SIDT1: variants seen among roughly 807,000 people sequenced by gnomAD.
The protein encoded by SIDT1 is SID1 transmembrane family member 1, also known as SID1 transmembrane family, member 1.
A neutral mutation model predicts 107.5 loss-of-function variants in SIDT1; 101 were observed. The ratio of observed to expected loss-of-function variants is 0.94; its 90% CI spans 0.80 to 1.11. The LOEUF is 1.11. Ranked by LOEUF, SIDT1 falls within the 50% of genes least tolerant of loss-of-function variation. The pLI, the probability that SIDT1 is intolerant of heterozygous loss-of-function variation, is 0.00. For synonymous variants in SIDT1, 395 were observed against 398.2 expected (o/e 0.99, Z 0.10); for missense variants, 1,076 against 1,058.2 (o/e 1.02, Z -0.23).
At chr3:113,556,190 A>G (rs1940839279) in intron 1 of SIDT1, among the ~76,000 whole-genome samples, 1 of 152,214 alleles carries the variant, frequency 6.6e-6, no homozygotes, top group Non-Finnish European at 1.5e-5. Flanking sequence ...ATCTTTCTTT[A>G]TTATGCCATA....
chr3:113,583,595 G>A, intron 7 of SIDT1, 99 bp downstream of exon 7: 1 of 823,374 alleles, frequency 1.2e-6, no homozygotes, highest in Non-Finnish European at 1.9e-6. Context: ...CTAAACAAGG[G>A]TTGGTTCCAT....
At chr3:113,549,218 T>C (rs1198832296) in intron 1 of SIDT1, among the ~76,000 whole-genome samples, 1 of 151,850 alleles carries the variant, frequency 6.6e-6, no homozygotes. Context: ...ATAAAATGTG[T>C]GTGCGGGTTT....
At chr3:113,538,098 T>A (rs189172885) in intron 1 of SIDT1, among the ~76,000 whole-genome samples, 1 of 152,318 alleles carries the variant, frequency 6.6e-6, no homozygotes, top group Admixed American at 6.5e-5. Flanking sequence ...CGTCTTCTTA[T>A]AAGGGCAGCA....
intron 10 of SIDT1, among the ~76,000 whole-genome samples, chr3:113,600,784 G>A (rs961594922): frequency 7.9e-5 from 12 of 152,224 alleles, no homozygotes; most frequent in Admixed American, 7.8e-4. Flanking sequence ...GAAAAGCATA[G>A]ATGGTATTGA....
chr3:113,590,075 T>A (rs6797630), intron 9 of SIDT1: 8,532 of 152,442 alleles, frequency 0.056, 423 homozygotes, highest in African/African-American at 0.13. Context: ...AACGATTGCA[T>A]TGGAGAAGCT....
intron 15 of SIDT1, 21 bp from the exon 16 acceptor site, chr3:113,608,073 G>A (rs764618098): frequency 6.4e-7 from 1 of 1,560,746 alleles, no homozygotes; most frequent in Non-Finnish European, 8.7e-7. Context: ...CTCTCTCATG[G>A]TCTCTCACTC....
At chr3:113,603,804 T>TTTACTTAATCAAATTTAGTAAATTTGAA (rs1287423775) in intron 12 of SIDT1, among the ~76,000 whole-genome samples, 156 bp from the exon 13 acceptor site, 5 of 152,236 alleles carry the variant, frequency 3.3e-5, no homozygotes, top group African/African-American at 1.2e-4. Context: ...GTAAATTTGA[T>TTTACTTAATCAAATTTAGTAAATTTGAA]TTACTTAATC....
At chr3:113,592,101 A>G (rs1382746992) in intron 9 of SIDT1, among the ~76,000 whole-genome samples, 1 of 152,218 alleles carries the variant, frequency 6.6e-6, no homozygotes, top group African/African-American at 2.4e-5. Context: ...AAACTTATAG[A>G]GACAGAAAGT....
chr3:113,591,868 T>G (rs1174648324), intron 9 of SIDT1, among the ~76,000 whole-genome samples: 1 of 152,244 alleles, frequency 6.6e-6, no homozygotes, highest in African/African-American at 2.4e-5. Flanking sequence ...TTACTCATGA[T>G]AGCCAAAATG....
chr3:113,609,314 C>T (rs1945572271), intron 17 of SIDT1, among the ~76,000 whole-genome samples: 3 of 152,090 alleles, frequency 2.0e-5, no homozygotes, highest in Admixed American at 2.0e-4. Flanking sequence ...GATCCTCCTG[C>T]CTCTGCCTCC....
intron 21 of SIDT1, among the ~76,000 whole-genome samples, chr3:113,622,641 T>C (rs1946546509): frequency 6.6e-6 from 1 of 152,158 alleles, no homozygotes; most frequent in South Asian, 2.1e-4. Flanking sequence ...AATTTGGTAA[T>C]GTGTGTCAAG....
intron 1 of SIDT1, among the ~76,000 whole-genome samples, chr3:113,545,854 T>G (rs1433207276): frequency 6.6e-6 from 1 of 152,234 alleles, no homozygotes; most frequent in African/African-American, 2.4e-5. Context: ...ACTCAAGTCA[T>G]GGACTGTTGA....
At chr3:113,568,337 T>C (rs1329614343) in intron 3 of SIDT1, among the ~76,000 whole-genome samples, 1 of 152,156 alleles carries the variant, frequency 6.6e-6, no homozygotes, top group Non-Finnish European at 1.5e-5. Context: ...GGCTCACTCC[T>C]GTAATCCTAG....
chr3:113,584,747 G>T lies in SIDT1; in HGVS notation c.885G>T (p.Val295=). The T allele has an allele frequency of 6.3e-7, 1 of 1,599,278 alleles. No individual in the cohort carries two copies. The highest frequency in any genetic ancestry group is 1.1e-5 in the South Asian group (1 of 87,166). The change falls in exon 8 of 25, where the codon GTG becomes GTT. Residue 295 remains valine, a synonymous_variant. Coordinates refer to ENST00000264852, the MANE Select transcript of SIDT1 (RefSeq NM_017699.3). ...TACAGCGAAAAAAGAACCTTGAAGT[G>T]ACCATTGTCCCTTCCATTAAAGGTC... is the stretch of plus-strand genomic sequence containing the variant. ...WNLQRKKNLE[V]TIVPSIKESV...
chr3:113,559,038 T>C (rs2107706317), intron 1 of SIDT1, among the ~76,000 whole-genome samples: 1 of 152,394 alleles, frequency 6.6e-6, no homozygotes, highest in Admixed American at 6.5e-5. Flanking sequence ...AACCACTGTG[T>C]AGCATTTCAT....
chr3:113,620,025 T>TTAGA (rs368090867), intron 21 of SIDT1: 118 of 246,272 alleles, frequency 4.8e-4, no homozygotes, highest in African/African-American at 1.8e-3. Flanking sequence ...AGTTGAATGG[T>TTAGA]TAGATAGATA....
chr3:113,540,435 C>T (rs1938684116), intron 1 of SIDT1, among the ~76,000 whole-genome samples: 1 of 152,166 alleles, frequency 6.6e-6, no homozygotes, highest in East Asian at 1.9e-4. Context: ...AACATTACTA[C>T]CAACAATAAG....
chr3:113,587,914 A>G (rs1180658643), intron 9 of SIDT1, among the ~76,000 whole-genome samples: 1 of 152,184 alleles, frequency 6.6e-6, no homozygotes, highest in Non-Finnish European at 1.5e-5. Flanking sequence ...GCACCCCAGC[A>G]AGGATCTAAG....
Position 113,619,724 on chromosome 3 carries a change from C to T in SIDT1, c.2088C>T (p.Ser696=). The T allele has an allele frequency of 1.2e-6, 2 of 1,613,734 alleles. No homozygotes were observed. Among genetic ancestry groups the T allele is most frequent in the Admixed American group, 1.7e-5 (1 of 60,004 alleles). The part of the protein sequence containing the change: ...LLVVGNLVNW[S]FALFGLIYRP... ...TTGTGGGGAATCTGGTTAACTGGTC[C>T]TTGTAAGTAGTCTTATGAAAACATG... The change falls in exon 21 of 25, where the codon TCC becomes TCT. Residue 696 remains serine (S), a splice_region_variant and synonymous_variant. Transcript: ENST00000264852.
Sources: allele counts gnomAD v4.1 joint callset (sites outside exome capture counted in the v4.1 genomes callset), GRCh38; gene constraint gnomAD v4.1.1; transcripts MANE v1.5; gene names NCBI Gene and HGNC (gene_info 2026-07-23, HGNC 2026-07-21).